MAP1LC3B2: variants seen among roughly 807,000 people sequenced by gnomAD.
The protein encoded by MAP1LC3B2 is microtubule-associated protein 1 light chain 3 beta 2.
For missense variants in MAP1LC3B2, 155 were observed against 154.6 expected (o/e 1.00, Z -0.01); for synonymous variants, 62 against 57.8 (o/e 1.07, Z -0.33).
chr12:116,576,437 G>A lies in MAP1LC3B2; in HGVS notation c.*117G>A, dbSNP rs1361143462. The A allele has an allele frequency of 2.1e-6, 3 of 1,449,506 alleles. No homozygotes were observed. Among genetic ancestry groups the A allele is most frequent in the Non-Finnish European group, 2.8e-6 (3 of 1,073,524 alleles). The allele number at this position is 1,449,506 out of a possible 1,614,324, so 89.8% of individuals were successfully genotyped here. A position where few individuals can be genotyped will look rare whatever the true frequency, so the allele number is the denominator to read the frequency against. On this transcript the variant is annotated 3_prime_UTR_variant, in exon 2 of 2. Coordinates refer to ENST00000556529, the MANE Select transcript of MAP1LC3B2 (RefSeq NM_001085481.3). ...TAATCACAGATCATCAAACAGTAGT[G>A]TTCCCACCTAGGAGTGTTAGGAAGT...
chr12:116,560,203 T>TACATATAC (rs1410831703), intron 1 of MAP1LC3B2: 2 of 33,368 alleles, frequency 6.0e-5, no homozygotes, highest in African/African-American at 2.0e-4. Flanking sequence ...TATATATATA[T>TACATATAC]ATATATATAT....
intron 1 of MAP1LC3B2, among the ~76,000 whole-genome samples, chr12:116,567,151 T>G (rs1054548175): frequency 6.6e-6 from 1 of 151,862 alleles, no homozygotes; most frequent in African/African-American, 2.4e-5. Context: ...TTTGGAGATT[T>G]AGAGTGCTGA....
chr12:116,568,334 A>G (rs1441081050), intron 1 of MAP1LC3B2, among the ~76,000 whole-genome samples: 3 of 152,226 alleles, frequency 2.0e-5, no homozygotes, highest in Non-Finnish European at 4.4e-5. Flanking sequence ...CAGCCTAACA[A>G]TCTCTGGAGC....
chr12:116,568,570 A>G lies in MAP1LC3B2; in HGVS notation c.-101-7272A>G, dbSNP rs142851543. On this transcript the variant is annotated intron_variant, in intron 1 of 1. Coordinates refer to ENST00000556529, the MANE Select transcript of MAP1LC3B2 (RefSeq NM_001085481.3). ...CTGCATGGTTTGAATGTGTCCCCCA[A>G]ATTTCATGTACTGGAAACTTAGATC... Among the ~76,000 whole-genome samples, 475 of 152,326 alleles carry G rather than the reference A, an allele frequency of 3.1e-3. 2 individuals are homozygous for G. The highest frequency in any genetic ancestry group is 0.011 in the African/African-American group (449 of 41,566).
At chr12:116,570,967 G>GTGATAT (rs1269848491) in intron 1 of MAP1LC3B2, among the ~76,000 whole-genome samples, 2 of 152,126 alleles carry the variant, frequency 1.3e-5, no homozygotes, top group Non-Finnish European at 2.9e-5. Context: ...CAATTTTATT[G>GTGATAT]CAACTTCCTT....
At chr12:116,566,011 T>G (rs2136960326) in intron 1 of MAP1LC3B2, among the ~76,000 whole-genome samples, 1 of 152,258 alleles carries the variant, frequency 6.6e-6, no homozygotes, top group Non-Finnish European at 1.5e-5. Flanking sequence ...TGCCTTCCCC[T>G]CCAACACAGA....
chr12:116,564,782 A>G (rs745953589), intron 1 of MAP1LC3B2, among the ~76,000 whole-genome samples: 2 of 152,070 alleles, frequency 1.3e-5, no homozygotes, highest in Non-Finnish European at 2.9e-5. Context: ...CAACCTCCAT[A>G]TATTATAATC....
chr12:116,560,197 T>TATATATATATAC (rs1869220117), intron 1 of MAP1LC3B2: 1 of 7,866 alleles, frequency 1.3e-4, no homozygotes, highest in African/African-American at 3.3e-4. Flanking sequence ...GCTATATATA[T>TATATATATATAC]ATATATATAT....
chr12:116,576,089 A>T lies in MAP1LC3B2; in HGVS notation c.147A>T (p.Lys49Asn). ...KGEKQLPVLD[K>N]TKFLVPDHVN... Reference sequence around the variant, plus strand: ...AGAAGCAGCTTCCTGTTCTGGATAAAACAAAGTTCCTTGTACCTGACCATG... The same window carrying T: ...AGAAGCAGCTTCCTGTTCTGGATAATACAAAGTTCCTTGTACCTGACCATG... Residue 49 changes from lysine (K) to asparagine (N), a missense_variant, in exon 2 of 2, where the codon AAA becomes AAT. Coordinates refer to ENST00000556529, the MANE Select transcript of MAP1LC3B2 (RefSeq NM_001085481.3). 1 of 1,614,242 alleles carries T rather than the reference A, an allele frequency of 6.2e-7. No individual in the cohort carries two copies. The highest frequency in any genetic ancestry group is 8.5e-7 in the Non-Finnish European group (1 of 1,180,042).
intron 1 of MAP1LC3B2, among the ~76,000 whole-genome samples, chr12:116,567,643 G>A (rs1047886549): frequency 6.6e-6 from 1 of 151,972 alleles, no homozygotes; most frequent in Non-Finnish European, 1.5e-5. Flanking sequence ...AGCTACTCAG[G>A]AGGTTGAGGC....
chr12:116,564,588 G>A (rs7137558), intron 1 of MAP1LC3B2, among the ~76,000 whole-genome samples: 1 of 152,056 alleles, frequency 6.6e-6, no homozygotes, highest in Non-Finnish European at 1.5e-5. Context: ...GAGAGCTCTT[G>A]GAATTATTCA....
intron 1 of MAP1LC3B2, chr12:116,560,214 A>ATATATATATATATATGTATATG (rs1869225516): frequency 2.4e-5 from 2 of 84,052 alleles, no homozygotes; most frequent in Non-Finnish European, 5.2e-5. Context: ...ATATATATAT[A>ATATATATATATATATGTATATG]TATATATATA....
At chr12:116,568,670 G>A (rs1869450628) in intron 1 of MAP1LC3B2, among the ~76,000 whole-genome samples, 1 of 152,076 alleles carries the variant, frequency 6.6e-6, no homozygotes, top group Non-Finnish European at 1.5e-5. Flanking sequence ...AGTCATCAGG[G>A]TGCAGCCCCC....
intron 1 of MAP1LC3B2, among the ~76,000 whole-genome samples, chr12:116,571,458 CTTTTTTTTTTTTTTTTTTTTTTTTTT>C (rs71095564): frequency 4.2e-5 from 2 of 48,104 alleles, no homozygotes; most frequent in Admixed American, 4.0e-4. Context: ...GACTGCTGTT[CTTTTTTTTTTTTTTTTTTTTTTTTTT>C]TTTTTTTTTT....
intron 1 of MAP1LC3B2, among the ~76,000 whole-genome samples, chr12:116,568,591 A>G (rs747006620): frequency 1.4e-4 from 21 of 152,214 alleles, no homozygotes; most frequent in Non-Finnish European, 2.1e-4. Flanking sequence ...CTGGAAACTT[A>G]GATCTCCAAG....
intron 1 of MAP1LC3B2, among the ~76,000 whole-genome samples, chr12:116,561,972 C>T (rs1225928726): frequency 1.3e-5 from 2 of 152,198 alleles, no homozygotes; most frequent in Non-Finnish European, 2.9e-5. Flanking sequence ...GGGAGACCAT[C>T]TCTCTTCCAC....
At chr12:116,563,600 T>C (rs941748708) in intron 1 of MAP1LC3B2, among the ~76,000 whole-genome samples, 2 of 152,224 alleles carry the variant, frequency 1.3e-5, no homozygotes, top group Non-Finnish European at 2.9e-5. Context: ...CTTTTCTTTG[T>C]GTTTATCTTG....
chr12:116,571,973 A>G (rs1204245423), intron 1 of MAP1LC3B2, among the ~76,000 whole-genome samples: 1 of 151,828 alleles, frequency 6.6e-6, no homozygotes, highest in African/African-American at 2.4e-5. Flanking sequence ...TACAAAAAAA[A>G]AAAGGGTTAG....
chr12:116,570,896 C>G (rs568835200), intron 1 of MAP1LC3B2, among the ~76,000 whole-genome samples: 1 of 152,296 alleles, frequency 6.6e-6, no homozygotes, highest in African/African-American at 2.4e-5. Flanking sequence ...CAACTGATCA[C>G]TTGGGAAAAC....
Sources: gnomAD v4.1 joint callset for allele counts (sites outside exome capture counted in the v4.1 genomes callset) on GRCh38, gnomAD v4.1.1 for gene constraint, MANE v1.5 for transcripts, NCBI Gene and HGNC (gene_info 2026-07-23, HGNC 2026-07-21) for gene names.